The following SIPA1L2 variants were observed in gnomAD, a reference collection of about 807,000 sequenced individuals.
The protein encoded by SIPA1L2 is signal induced proliferation associated 1 like 2.
Under a neutral mutation model 163.9 loss-of-function variants are expected in SIPA1L2, and 56 were observed. That is an observed-to-expected ratio of 0.34 (90% CI 0.28 to 0.43). SIPA1L2 has a LOEUF of 0.43. SIPA1L2 is among the 20% of genes least tolerant of loss of function. The pLI is 1.00. For missense variants in SIPA1L2, 1,974 were observed against 2,193.5 expected (o/e 0.90, Z 2.00); for synonymous variants, 877 against 865.7 (o/e 1.01, Z -0.23).
intron 1 of SIPA1L2, among the ~76,000 whole-genome samples, chr1:232,618,607 T>C (rs1351545981): frequency 1.3e-5 from 2 of 150,308 alleles, no homozygotes; most frequent in Non-Finnish European, 2.9e-5. Flanking sequence ...TGAGCCAAGA[T>C]TGCACCAGTG....
At chr1:232,437,084 G>C (rs536243930) in intron 15 of SIPA1L2, among the ~76,000 whole-genome samples, 2 of 152,238 alleles carry the variant, frequency 1.3e-5, no homozygotes, top group East Asian at 1.9e-4. Context: ...TTTGCCAATG[G>C]TTAAGGTAGT....
intron 5 of SIPA1L2, among the ~76,000 whole-genome samples, chr1:232,484,852 C>T (rs187193097): frequency 1.2e-3 from 177 of 152,340 alleles, no homozygotes; most frequent in African/African-American, 3.9e-3. Flanking sequence ...TATCAGACAT[C>T]GCCAATTCTC....
At chr1:232,441,640 C>G in intron 13 of SIPA1L2, 128 bp downstream of exon 13, 1 of 850,186 alleles carries the variant, frequency 1.2e-6, no homozygotes, top group South Asian at 1.6e-5. Flanking sequence ...GGAGACCCAG[C>G]TGATCACCTC....
intron 2 of SIPA1L2, among the ~76,000 whole-genome samples, chr1:232,544,091 T>C (rs1657860455): frequency 6.6e-6 from 1 of 150,650 alleles, no homozygotes; most frequent in African/African-American, 2.5e-5. Context: ...CACAAAAACA[T>C]GTGCATGTAT....
At chr1:232,442,875 T>C (rs946209812) in intron 12 of SIPA1L2, among the ~76,000 whole-genome samples, 1 of 152,214 alleles carries the variant, frequency 6.6e-6, no homozygotes, top group Non-Finnish European at 1.5e-5. Flanking sequence ...GGAAAACATA[T>C]AACTCAGACT....
At chr1:232,494,777 T>G (rs564827632) in intron 3 of SIPA1L2, among the ~76,000 whole-genome samples, 1 of 152,342 alleles carries the variant, frequency 6.6e-6, no homozygotes, top group East Asian at 1.9e-4. Context: ...AATTTATCTA[T>G]TTTTAGCAGC....
intron 3 of SIPA1L2, among the ~76,000 whole-genome samples, chr1:232,497,854 ATCT>A (rs1334703473): frequency 6.6e-6 from 1 of 151,830 alleles, no homozygotes; most frequent in Non-Finnish European, 1.5e-5. Context: ...CTACTTACCC[ATCT>A]TCTCCTTTAC....
At position 232,514,057 on chromosome 1, in the gene SIPA1L2, C is replaced by A. The variant is rs752908220; in HGVS notation, c.1283G>T (p.Arg428Leu). The stretch of plus-strand genomic sequence containing the variant: ...AGAACTGAAAGAGGATGAGTTGGCT[C>A]GAGAGAGCGCAATCCGCCTGTCGCC... The part of the protein sequence containing the change: ...GEGDRRIALS[R>L]ANSSSFSSGE... Residue 428 changes from arginine to leucine, a missense_variant, in exon 3 of 23, where the codon CGA becomes CTA. By Grantham distance (102) the Arg-to-Leu change is moderately radical (BLOSUM62 -2). This residue lies in a region of SIPA1L2 where 607 missense variants were observed against 624.0 expected (regional missense o/e 0.97). Coordinates refer to ENST00000674635, the MANE Select transcript of SIPA1L2 (RefSeq NM_020808.5). 3 of 1,614,148 alleles carry A rather than the reference C, an allele frequency of 1.9e-6. No individual in the cohort carries two copies. Among genetic ancestry groups the A allele is most frequent in the Non-Finnish European group, 2.5e-6 (3 of 1,180,010 alleles).
intron 8 of SIPA1L2, among the ~76,000 whole-genome samples, chr1:232,466,746 A>C (rs974310589): frequency 1.3e-5 from 2 of 152,148 alleles, no homozygotes; most frequent in South Asian, 2.1e-4. Flanking sequence ...AGCCGAGATC[A>C]CGCCACTGCA....
chr1:232,576,328 C>T (rs906843337), intron 1 of SIPA1L2, among the ~76,000 whole-genome samples: 5 of 152,192 alleles, frequency 3.3e-5, no homozygotes, highest in African/African-American at 9.7e-5. Flanking sequence ...CTTCGAACTT[C>T]GTCATTACTT....
At position 232,618,478 on chromosome 1, in the gene SIPA1L2, A is replaced by AC. The variant is rs1037216548; in HGVS notation, c.-319+11390dup. Among the ~76,000 whole-genome samples the AC allele has an allele frequency of 6.6e-4, 100 of 152,104 alleles. 1 individual carries two copies. Among genetic ancestry groups the AC allele is most frequent in the African/African-American group, 2.3e-3 (95 of 41,480 alleles). On this transcript the variant is annotated intron_variant, in intron 1 of 22. Coordinates refer to ENST00000674635, the MANE Select transcript of SIPA1L2 (RefSeq NM_020808.5). ...AGACCAGCCTGACCAAGATGGTGAA[A>AC]CCCCGTCTCTACTAAAAATACAAAA...
chr1:232,554,415 A>G (rs1405841860), intron 2 of SIPA1L2, among the ~76,000 whole-genome samples: 1 of 152,222 alleles, frequency 6.6e-6, no homozygotes, highest in Non-Finnish European at 1.5e-5. Context: ...AAATATTTAC[A>G]TTTAAAGTCC....
At chr1:232,403,166 C>A (rs1660444332) in intron 21 of SIPA1L2, among the ~76,000 whole-genome samples, 1 of 152,200 alleles carries the variant, frequency 6.6e-6, no homozygotes, top group South Asian at 2.1e-4. Flanking sequence ...CCTCTTCTTG[C>A]CCTCTTTGAC....
chr1:232,491,468 CT>C (rs750940722), intron 4 of SIPA1L2, among the ~76,000 whole-genome samples: 56 of 152,270 alleles, frequency 3.7e-4, no homozygotes, highest in Non-Finnish European at 6.3e-4. Flanking sequence ...ATCTCTCCAT[CT>C]TCTTTTCTTC....
rs1359853284 is a variant in SIPA1L2 at position 232,455,714 on chromosome 1, C to CAAAAAAAAAAAA, written c.3095+5161_3095+5172dup. Among the ~76,000 whole-genome samples the CAAAAAAAAAAAA allele has an allele frequency of 1.3e-4, 11 of 82,776 alleles. 1 individual carries two copies. The highest frequency in any genetic ancestry group is 3.7e-4 in the African/African-American group (8 of 21,874). The allele number at this position is 82,776 out of a possible 152,430, so 54.3% of individuals were successfully genotyped here. Reference sequence around the variant, plus strand: ...TGGGCAACAGAGCGAGACTCTGTCTCAAAAAAAAAAAAAAAAAGAGAAAAT... The same window carrying CAAAAAAAAAAAA: ...TGGGCAACAGAGCGAGACTCTGTCTCAAAAAAAAAAAAAAAAAAAAAAAAAAAAAGAGAAAAT... On this transcript the variant is annotated intron_variant, in intron 10 of 22. Transcript: ENST00000674635.
At chr1:232,510,318 T>A (rs951841929) in intron 3 of SIPA1L2, among the ~76,000 whole-genome samples, 1 of 152,176 alleles carries the variant, frequency 6.6e-6, no homozygotes, top group Admixed American at 6.5e-5. Context: ...AATTGCCTAA[T>A]AACACATTTC....
At chr1:232,405,047 CT>C (rs1238357509) in intron 19 of SIPA1L2, among the ~76,000 whole-genome samples, 1 of 152,200 alleles carries the variant, frequency 6.6e-6, no homozygotes, top group African/African-American at 2.4e-5. Context: ...CTGGACAAGC[CT>C]CCTAATGAGG....
rs1558220770 is a variant in SIPA1L2, at chr1:232,493,515, C to T, written c.1617+12G>A. 6 of 1,613,806 alleles carry T rather than the reference C, an allele frequency of 3.7e-6. No individual in the cohort carries two copies. In the Middle Eastern group the frequency reaches 5.0e-4, roughly 133 times the overall value. ...ACTTTAGCCCAATAACTACGGCAAG[C>T]AGCCCCATTACCTCACTTGTCCTGA... On this transcript the variant is annotated intron_variant, in intron 4 of 22. Coordinates refer to ENST00000674635, the MANE Select transcript of SIPA1L2 (RefSeq NM_020808.5).
At chr1:232,439,639 CT>C in intron 14 of SIPA1L2, 143 bp from the exon 15 acceptor site, 1 of 965,458 alleles carries the variant, frequency 1.0e-6, no homozygotes, top group Non-Finnish European at 1.5e-6. Flanking sequence ...ACAGGACTTC[CT>C]TTTTCAAAAA....
Sources: gnomAD v4.1 joint callset for allele counts (sites outside exome capture counted in the v4.1 genomes callset) on GRCh38, gnomAD v4.1.1 for gene constraint, gnomAD v4.1.1 regional missense constraint, MANE v1.5 for transcripts, NCBI Gene and HGNC (gene_info 2026-07-23, HGNC 2026-07-21) for gene names.